Variants in PKP1 observed in about 807,000 individuals in gnomAD.
The protein encoded by PKP1 is plakophilin-1.
A neutral mutation model predicts 76.4 loss-of-function variants in PKP1; 27 were observed. The observed-to-expected ratio is 0.35, with a 90% CI of 0.26 to 0.49. The LOEUF (loss-of-function observed/expected upper bound fraction) is 0.49. Among genes scored for constraint, PKP1 ranks in the 20% least tolerant of loss-of-function variants. The pLI is 0.99. For synonymous variants in PKP1, 404 were observed against 384.2 expected (o/e 1.05, Z -0.60); for missense variants, 964 against 955.2 (o/e 1.01, Z -0.12).
At chr1:201,313,611 A>G in intron 3 of PKP1, 51 bp downstream of exon 3, 2 of 1,582,124 alleles carry the variant, frequency 1.3e-6, no homozygotes, top group Non-Finnish European at 1.7e-6. Flanking sequence ...GTGGGGAGAC[A>G]CACCCTTAGC....
Position 201,313,361 on chromosome 1 carries a change from C to T in PKP1, c.502C>T (p.Arg168Cys), listed in dbSNP as rs527683180. Residue 168 changes from arginine (R) to cysteine (C), a missense_variant, in exon 3 of 14, where the codon CGC becomes TGC. Transcript: ENST00000367324. Reference sequence around the variant, plus strand: ...CTACTGTGACCCACGGGGCACCCTGCGCAAGGGCACGCTGGGCAGCAAGGG... The same window carrying T: ...CTACTGTGACCCACGGGGCACCCTGTGCAAGGGCACGCTGGGCAGCAAGGG... ...DLYCDPRGTLRKGTLGSKGQK... is the reference protein window; with the variant it reads ...DLYCDPRGTLCKGTLGSKGQK... 57 of 1,581,384 alleles carry T rather than the reference C, an allele frequency of 3.6e-5. No homozygotes were observed. In the African/African-American group the frequency reaches 4.2e-4, roughly 12 times the overall value.
In PKP1 at chr1:201,313,249, C is replaced by T. The variant is rs1037749636; in HGVS notation, c.390C>T (p.Tyr130=). ...YSQMENWSRH[Y]PRGSCNTTGA... ...AGATGGAGAACTGGAGCCGGCACTA[C>T]CCCCGGGGCAGCTGTAACACCACCG... is the stretch of plus-strand genomic sequence containing the variant. The change falls in exon 3 of 14, where the codon TAC becomes TAT. Residue 130 remains tyrosine, a synonymous_variant. Transcript: ENST00000367324. 4 of 1,604,704 alleles carry T rather than the reference C, an allele frequency of 2.5e-6. No homozygotes were observed. Among genetic ancestry groups the T allele is most frequent in the East Asian group, 2.2e-5 (1 of 44,610 alleles).
chr1:201,303,728 T>C (rs1325507819), intron 2 of PKP1, among the ~76,000 whole-genome samples: 1 of 152,132 alleles, frequency 6.6e-6, no homozygotes, highest in Non-Finnish European at 1.5e-5. Flanking sequence ...GAAAAAGAAG[T>C]CCTTTCTATG....
intron 12 of PKP1, among the ~76,000 whole-genome samples, chr1:201,327,125 T>C (rs990639891): frequency 6.6e-6 from 1 of 152,104 alleles, no homozygotes; most frequent in African/African-American, 2.4e-5. Flanking sequence ...GGGGAGTTGC[T>C]GAGAGGAGAT....
intron 6 of PKP1, chr1:201,319,727 G>T: frequency 7.7e-7 from 1 of 1,300,886 alleles, no homozygotes; most frequent in Non-Finnish European, 1.1e-6. Context: ...AACACAGCTT[G>T]GGTGGAGAGG....
chr1:201,327,103 A>T lies in PKP1; in HGVS notation c.2106+1265A>T, dbSNP rs189715474. ...CCTGCTGCAGTGGGCAAGGCAGTGG[A>T]TGGGGATGGATGGGGAGTTGCTGAG... On this transcript the variant is annotated intron_variant, in intron 12 of 13. Transcript: ENST00000367324. Among the ~76,000 whole-genome samples, 388 of 152,266 alleles carry T rather than the reference A, an allele frequency of 2.5e-3. 3 individuals are homozygous for T. The highest frequency in any genetic ancestry group is 9.2e-3 in the African/African-American group (381 of 41,544).
rs886045813 is a variant in PKP1, at chr1:201,330,104, G to C, written c.*63G>C. 1 of 152,182 alleles carries C rather than the reference G, an allele frequency of 6.6e-6. No homozygotes were observed. The allele number at this position is 152,182 out of a possible 1,614,324, so 9.4% of individuals were successfully genotyped here. ...TATGACCCAGCTGAGAAGCCCTCAG[G>C]CCTCGCTGGATGGGGTTTTCTGTCC... On this transcript the variant is annotated 3_prime_UTR_variant, in exon 14 of 14. Coordinates refer to ENST00000367324, the MANE Select transcript of PKP1 (RefSeq NM_001005337.3).
At position 201,284,517 on chromosome 1, in the gene PKP1, G is replaced by A. The variant is rs1655671042; in HGVS notation, c.202+613G>A. ...GTGCAGCTCAGGAGAGGCGCTGCGG[G>A]ACGGGAAAGTGGCACAGGGAGCAGG... On this transcript the variant is annotated intron_variant, in intron 1 of 13. Coordinates refer to ENST00000367324, the MANE Select transcript of PKP1 (RefSeq NM_001005337.3). Among the ~76,000 whole-genome samples the A allele has an allele frequency of 2.6e-5, 4 of 152,212 alleles. 1 individual carries two copies.
At chr1:201,301,095 C>T (rs897784394) in intron 2 of PKP1, among the ~76,000 whole-genome samples, 3 of 152,184 alleles carry the variant, frequency 2.0e-5, no homozygotes, top group Non-Finnish European at 4.4e-5. Flanking sequence ...AGCACGCTGG[C>T]CCCTCCATCC....
chr1:201,286,960 C>G (rs1234909860), intron 1 of PKP1, among the ~76,000 whole-genome samples: 1 of 152,120 alleles, frequency 6.6e-6, no homozygotes, highest in Non-Finnish European at 1.5e-5. Context: ...TGCCCTAACC[C>G]AAGCGCTCCC....
At chr1:201,312,208 G>C (rs1656576244) in intron 2 of PKP1, among the ~76,000 whole-genome samples, 1 of 152,216 alleles carries the variant, frequency 6.6e-6, no homozygotes, top group Non-Finnish European at 1.5e-5. Flanking sequence ...TTTGGCCTTT[G>C]AGGTGACCTG....
rs150488138 is a variant in PKP1 at position 201,323,066 on chromosome 1, C to T, written c.1557C>T (p.Ser519=). The change falls in exon 9 of 14, where the codon AGC becomes AGT. Residue 519 remains serine (S), a synonymous_variant. Coordinates refer to ENST00000367324, the MANE Select transcript of PKP1 (RefSeq NM_001005337.3). ...AGGAAGAGACCAACCCCAAGGGCAGCGGCTGGTTGTACCATTCAGATGCCA... is the reference window on the plus strand; with the variant it reads ...AGGAAGAGACCAACCCCAAGGGCAGTGGCTGGTTGTACCATTCAGATGCCA... The part of the protein sequence containing the change: ...LPEEETNPKG[S]GWLYHSDAIR... 615 of 1,614,022 alleles carry T rather than the reference C, an allele frequency of 3.8e-4. 3 individuals carry two copies. Among genetic ancestry groups the T allele is most frequent in the Non-Finnish European group, 1.3e-4 (158 of 1,180,010 alleles).
chr1:201,312,137 C>T (rs889166100), intron 2 of PKP1, among the ~76,000 whole-genome samples: 8 of 152,318 alleles, frequency 5.3e-5, no homozygotes, highest in Admixed American at 3.9e-4. Context: ...CATGTGTGCA[C>T]GCAGGCCCCT....
Position 201,317,719 on chromosome 1 carries a change from C to T in PKP1, c.994C>T (p.Arg332Cys), listed in dbSNP as rs562755351. 4 of 1,613,918 alleles carry T rather than the reference C, an allele frequency of 2.5e-6. No individual in the cohort carries two copies. Among genetic ancestry groups the T allele is most frequent in the African/African-American group, 1.3e-5 (1 of 75,014 alleles). The change falls in exon 5 of 14, where the codon CGC becomes TGC. Residue 332 changes from arginine (R) to cysteine (C), a missense_variant. Physicochemically the swap from Arg to Cys is radical, Grantham distance 180 (BLOSUM62 -3). Transcript: ENST00000367324. Reference protein sequence around the residue: ...KLETRRQNGIREAVSLLRRTG... With the variant: ...KLETRRQNGICEAVSLLRRTG... ...GGAGACCCGGAGGCAGAATGGGATC[C>T]GCGAGGCAGTCAGCCTCCTGAGGAG...
chr1:201,310,999 C>T (rs771175325), intron 2 of PKP1, among the ~76,000 whole-genome samples: 10 of 152,242 alleles, frequency 6.6e-5, no homozygotes, highest in Non-Finnish European at 8.8e-5. Context: ...AGCATGATCA[C>T]ATGTTTGCTG....
intron 3 of PKP1, chr1:201,316,117 CGGAT>C (rs1374138818): frequency 1.1e-4 from 4 of 36,098 alleles, no homozygotes; most frequent in South Asian, 9.6e-4. Flanking sequence ...GATGGATGGA[CGGAT>C]GGACGGACGG....
chr1:201,294,242 A>G (rs902271447), intron 2 of PKP1, among the ~76,000 whole-genome samples, 197 bp downstream of exon 2: 5 of 152,218 alleles, frequency 3.3e-5, no homozygotes, highest in Admixed American at 6.5e-5. Flanking sequence ...CTGACTGGAT[A>G]TTTTTGAATG....
Position 201,313,177 on chromosome 1 carries a change from A to T in PKP1, c.318A>T (p.Gly106=). 6.2e-7 allele frequency: 1 copy of T among 1,610,024 alleles called. No individual in the cohort carries two copies. The highest frequency in any genetic ancestry group is 2.2e-5 in the East Asian group (1 of 44,828). The change falls in exon 3 of 14, where the codon GGA becomes GGT. Residue 106 remains glycine, a synonymous_variant. Transcript: ENST00000367324. ...NGSWGYPIYN[G]TLKREPDNRR... ...CTTTCCCTGGCCAGATCTACAATGG[A>T]ACCCTCAAGCGGGAGCCTGACAACA...
At chr1:201,319,673 G>GAGCCCACATTGCTTGGGC (rs1656878045) in intron 6 of PKP1, 2 of 800,624 alleles carry the variant, frequency 2.5e-6, no homozygotes, top group African/African-American at 1.7e-5. Flanking sequence ...ATTGCTTGGG[G>GAGCCCACATTGCTTGGGC]ATGAGCCCAC....
Sources: allele counts gnomAD v4.1 joint callset (sites outside exome capture counted in the v4.1 genomes callset), GRCh38; gene constraint gnomAD v4.1.1; transcripts MANE v1.5; gene names NCBI Gene and HGNC (gene_info 2026-07-23, HGNC 2026-07-21).